Variants in LGR6 observed in about 807,000 individuals in gnomAD.
The protein encoded by LGR6 is leucine-rich repeat-containing G protein-coupled receptor 6.
LGR6 carries 45 observed loss-of-function variants against 69.4 expected under a neutral mutation model. The observed-to-expected ratio is 0.65, with a 90% CI of 0.51 to 0.83. LGR6 has a LOEUF of 0.83. Among genes scored for constraint, LGR6 ranks in the 40% least tolerant of loss-of-function variants. LGR6 has a pLI of 0.00. For missense variants in LGR6, 1,108 were observed against 1,246.7 expected, an observed-to-expected ratio of 0.89 and a Z score of 1.68; for synonymous variants, 538 against 555.0, an observed-to-expected ratio of 0.97 and a Z score of 0.43.
intron 6 of LGR6, among the ~76,000 whole-genome samples, chr1:202,296,721 G>A (rs540766165): frequency 6.6e-6 from 1 of 152,188 alleles, no homozygotes; most frequent in Non-Finnish European, 1.5e-5. Context: ...TTTGCCCCTG[G>A]TGCCTAAGCA....
intron 1 of LGR6, among the ~76,000 whole-genome samples, chr1:202,219,865 A>T (rs1191106797): frequency 6.6e-6 from 1 of 152,014 alleles, no homozygotes; most frequent in Admixed American, 6.6e-5. Context: ...ACTGGGTTTT[A>T]TTTATTTATT....
Position 202,301,151 on chromosome 1 carries a change from C to G in LGR6, c.858-13C>G. 6.2e-7 allele frequency: 1 copy of G among 1,613,692 alleles called. No individual in the cohort carries two copies. Among genetic ancestry groups the G allele is most frequent in the Non-Finnish European group, 8.5e-7 (1 of 1,179,592 alleles). The stretch of plus-strand genomic sequence containing the variant: ...GAAAAACCCAATTAGGTGTTTGGAC[C>G]TTCTTCTTCCAGACACTTTTATGAT... On this transcript the variant is annotated splice_polypyrimidine_tract_variant and intron_variant, in intron 8 of 17. Transcript: ENST00000367278.
rs1021380875 is a variant in LGR6 at position 202,268,251 on chromosome 1, T to C, written c.429-8055T>C. Among the ~76,000 whole-genome samples, 6 of 152,142 alleles carry C rather than the reference T, an allele frequency of 3.9e-5. No individual in the cohort carries two copies. The highest frequency in any genetic ancestry group is 1.4e-4 in the African/African-American group (6 of 41,428). On this transcript the variant is annotated intron_variant, in intron 4 of 17. Coordinates refer to ENST00000367278, the MANE Select transcript of LGR6 (RefSeq NM_001017403.2). The surrounding 1 kb of genome is among the most constrained non-coding windows in gnomAD (Gnocchi z 4.4). Reference sequence around the variant, plus strand: ...GAAGCTGGCACCTGGCACTGGCGGCTGGTGCTGGTGTGGGAGGCTGGGCCC... The same window carrying C: ...GAAGCTGGCACCTGGCACTGGCGGCCGGTGCTGGTGTGGGAGGCTGGGCCC...
intron 4 of LGR6, among the ~76,000 whole-genome samples, chr1:202,251,760 A>G (rs905954375): frequency 2.6e-5 from 4 of 152,172 alleles, no homozygotes; most frequent in African/African-American, 9.7e-5. Context: ...CACATCTGCT[A>G]ACTGGGGGCC....
chr1:202,212,161 G>A (rs1389931849), intron 1 of LGR6, among the ~76,000 whole-genome samples: 1 of 152,188 alleles, frequency 6.6e-6, no homozygotes, highest in Non-Finnish European at 1.5e-5. Context: ...ATATGGATGT[G>A]TGTCTGTTGG....
chr1:202,225,315 G>A (rs1222528945), intron 1 of LGR6, 108 bp from the exon 2 acceptor site: 3 of 921,934 alleles, frequency 3.3e-6, no homozygotes, highest in East Asian at 2.5e-5. Context: ...CCTGGTGGGG[G>A]GTACTGTGGG....
At chr1:202,248,512 T>C (rs1049896641) in intron 4 of LGR6, among the ~76,000 whole-genome samples, 7 of 151,488 alleles carry the variant, frequency 4.6e-5, no homozygotes, top group Admixed American at 2.0e-4. Context: ...TTTTGAGACT[T>C]GGAGCCAGCT....
intron 4 of LGR6, among the ~76,000 whole-genome samples, chr1:202,272,382 C>G (rs894963458): frequency 1.3e-5 from 2 of 152,180 alleles, no homozygotes; most frequent in Non-Finnish European, 2.9e-5. Context: ...CTTCCATGTG[C>G]TCATTCCACC....
chr1:202,203,283 G>C (rs1379998310), intron 1 of LGR6, among the ~76,000 whole-genome samples: 1 of 152,142 alleles, frequency 6.6e-6, no homozygotes, highest in Non-Finnish European at 1.5e-5. Flanking sequence ...CTATAGGAAG[G>C]AAGCCTTCCC....
chr1:202,304,443 T>C, intron 10 of LGR6, 116 bp from the exon 11 acceptor site: 1 of 615,566 alleles, frequency 1.6e-6, no homozygotes, highest in Non-Finnish European at 2.7e-6. Flanking sequence ...CCTCCATTTC[T>C]CTCTTTTGTT....
intron 1 of LGR6, among the ~76,000 whole-genome samples, chr1:202,223,547 G>A (rs775156679): frequency 1.3e-5 from 2 of 152,006 alleles, no homozygotes; most frequent in Non-Finnish European, 2.9e-5. Context: ...CCTCAAGAAG[G>A]CTTGGGGGCA....
At chr1:202,225,770 T>A (rs1660500410) in intron 2 of LGR6, among the ~76,000 whole-genome samples, 1 of 152,074 alleles carries the variant, frequency 6.6e-6, no homozygotes, top group South Asian at 2.1e-4. Context: ...CTGGGAGTCA[T>A]CTTTGACCTG....
chr1:202,307,561 G>A (rs747794420), intron 14 of LGR6, among the ~76,000 whole-genome samples, 160 bp downstream of exon 14: 3 of 152,214 alleles, frequency 2.0e-5, no homozygotes, highest in African/African-American at 4.8e-5. Context: ...TTGACAGAGT[G>A]TGGGGCCTGA....
intron 6 of LGR6, among the ~76,000 whole-genome samples, chr1:202,283,299 C>T (rs911728382): frequency 6.6e-6 from 1 of 152,148 alleles, no homozygotes; most frequent in Admixed American, 6.5e-5. Flanking sequence ...GTTCTTTATC[C>T]TCTGTTCCCC....
chr1:202,198,667 GGT>G (rs780170410), intron 1 of LGR6, among the ~76,000 whole-genome samples: 1,462 of 88,024 alleles, frequency 0.017, 32 homozygotes, highest in African/African-American at 0.058. Context: ...AGTAATTTTA[GGT>G]TTTTTTTTTT....
In LGR6 at chr1:202,309,164, T is replaced by C; in HGVS notation, c.1394T>C (p.Phe465Ser). ...ALSQAFSKDS[F>S]PKLRILEVPY... ...TCCCAGGCCTTCTCCAAGGACAGTT[T>C]CCCAAAACTGAGGTGAGGGACTGGC... Residue 465 changes from phenylalanine to serine, a missense_variant, in exon 15 of 18, where the codon TTC (phenylalanine) becomes TCC (serine). Transcript: ENST00000367278. 1 of 1,614,064 alleles carries C rather than the reference T, an allele frequency of 6.2e-7. No individual in the cohort carries two copies. The highest frequency in any genetic ancestry group is 8.5e-7 in the Non-Finnish European group (1 of 1,179,950).
intron 7 of LGR6, 39 bp from the exon 8 acceptor site, chr1:202,300,810 T>C (rs1667530439): frequency 6.6e-7 from 1 of 1,507,758 alleles, no homozygotes; most frequent in Non-Finnish European, 9.1e-7. Context: ...CTCTATACCT[T>C]TCTCCAAATC....
chr1:202,249,962 C>T (rs773331615), intron 4 of LGR6, among the ~76,000 whole-genome samples: 6 of 152,198 alleles, frequency 3.9e-5, no homozygotes, highest in Non-Finnish European at 7.3e-5. Context: ...TCCCAATTAT[C>T]CTGAAGACAA....
chr1:202,277,003 A>G (rs1483831053), intron 5 of LGR6, among the ~76,000 whole-genome samples: 2 of 152,168 alleles, frequency 1.3e-5, no homozygotes, highest in Non-Finnish European at 2.9e-5. Context: ...CCATCACTGT[A>G]ATTACCTGGG....
Sources: allele counts gnomAD v4.1 joint callset (sites outside exome capture counted in the v4.1 genomes callset), GRCh38; gene constraint gnomAD v4.1.1; non-coding constraint Gnocchi (gnomAD v3.1); transcripts MANE v1.5; gene names NCBI Gene and HGNC (gene_info 2026-07-23, HGNC 2026-07-21).